Variants in UBAC2 observed in about 807,000 individuals in gnomAD.
UBAC2 encodes UBA domain containing 2, also known as ubiquitin-associated domain-containing protein 2.
UBAC2 carries 26 observed loss-of-function variants against 44.0 expected under a neutral mutation model. The ratio of observed to expected loss-of-function variants is 0.59; its 90% CI spans 0.43 to 0.82. The LOEUF (loss-of-function observed/expected upper bound fraction) is 0.82. Ranked by LOEUF, UBAC2 falls within the 40% of genes least tolerant of loss-of-function variation. The probability of loss-of-function intolerance (pLI) is 0.00; values close to 1 mark genes in which losing one functional copy is unlikely to be tolerated. For missense variants in UBAC2, 329 were observed against 419.4 expected (o/e 0.78, Z 1.88); for synonymous variants, 155 against 154.3 (o/e 1.00, Z -0.04).
intron 8 of UBAC2, among the ~76,000 whole-genome samples, chr13:99,368,577 G>A (rs2045362073): frequency 6.6e-6 from 1 of 152,106 alleles, no homozygotes. Flanking sequence ...TGAGGAACTC[G>A]GTTGATTTTA....
chr13:99,356,998 T>TTCTC (rs1447584559), intron 7 of UBAC2, among the ~76,000 whole-genome samples: 1 of 152,238 alleles, frequency 6.6e-6, no homozygotes, highest in African/African-American at 2.4e-5. Flanking sequence ...GTGGTGTCTT[T>TTCTC]TCTCTCTGTA....
At chr13:99,384,139 C>T (rs1168216624) in intron 8 of UBAC2, among the ~76,000 whole-genome samples, 2 of 152,168 alleles carry the variant, frequency 1.3e-5, no homozygotes, top group Non-Finnish European at 2.9e-5. Flanking sequence ...ATACTGGGCC[C>T]CTTCTCTTTC....
chr13:99,305,788 G>A (rs1236155986), intron 4 of UBAC2, among the ~76,000 whole-genome samples: 1 of 152,166 alleles, frequency 6.6e-6, no homozygotes, highest in Admixed American at 6.5e-5. Context: ...TCCAAAAAGT[G>A]CAGTGAACCC....
chr13:99,213,052 G>A (rs908033748), intron 1 of UBAC2, among the ~76,000 whole-genome samples: 2 of 151,918 alleles, frequency 1.3e-5, no homozygotes, highest in Non-Finnish European at 2.9e-5. Context: ...CTTTTTCTGT[G>A]TACCTGCTTA....
chr13:99,361,475 C>T (rs1225838236), intron 7 of UBAC2, among the ~76,000 whole-genome samples: 1 of 152,180 alleles, frequency 6.6e-6, no homozygotes, highest in African/African-American at 2.4e-5. Context: ...TTGATTCTCT[C>T]ACTCTCTTGT....
chr13:99,361,386 C>T lies in UBAC2; in HGVS notation c.808-6401C>T, dbSNP rs188368817. Among the ~76,000 whole-genome samples the T allele has an allele frequency of 1.5e-3, 234 of 152,244 alleles. 2 individuals carry two copies. Among genetic ancestry groups the T allele is most frequent in the African/African-American group, 5.5e-3 (229 of 41,554 alleles). On this transcript the variant is annotated intron_variant, in intron 7 of 8. Coordinates refer to ENST00000403766, the MANE Select transcript of UBAC2 (RefSeq NM_001144072.2). ...GTCAAAACATCCTAGAACCTAGAGC[C>T]GTAACTTTCTGCTTTTTAAGCACTT...
chr13:99,214,681 A>G (rs1273264249), intron 1 of UBAC2, among the ~76,000 whole-genome samples: 2 of 152,162 alleles, frequency 1.3e-5, no homozygotes, highest in African/African-American at 4.8e-5. Context: ...GCTCTCTTCT[A>G]CTTTTTTGCA....
chr13:99,347,320 C>CCG (rs1491168720), intron 7 of UBAC2, among the ~76,000 whole-genome samples: 2 of 5,788 alleles, frequency 3.5e-4, no homozygotes, highest in African/African-American at 1.9e-3. Flanking sequence ...TCCCCGGGCG[C>CCG]CCCCCCCCCC....
chr13:99,234,334 C>A, intron 1 of UBAC2: 1 of 335,574 alleles, frequency 3.0e-6, no homozygotes, highest in South Asian at 2.0e-5. Context: ...ATTATAGGCG[C>A]TTGCCACCAC....
At chr13:99,348,182 G>A (rs538280019) in intron 7 of UBAC2, among the ~76,000 whole-genome samples, 2 of 152,342 alleles carry the variant, frequency 1.3e-5, no homozygotes, top group African/African-American at 4.8e-5. Context: ...GACAGGAGCT[G>A]TTGTACTTCT....
intron 6 of UBAC2, among the ~76,000 whole-genome samples, chr13:99,321,286 G>A (rs1420805346): frequency 6.6e-6 from 1 of 152,168 alleles, no homozygotes; most frequent in African/African-American, 2.4e-5. Context: ...ATTTAGCTAG[G>A]TACTGGTTGA....
At chr13:99,337,953 G>C (rs528103499) in intron 6 of UBAC2, among the ~76,000 whole-genome samples, 2 of 149,516 alleles carry the variant, frequency 1.3e-5, no homozygotes, top group Non-Finnish European at 3.0e-5. Flanking sequence ...AAGAAGAATT[G>C]TCTTGGGCCA....
intron 6 of UBAC2, among the ~76,000 whole-genome samples, chr13:99,326,864 C>T (rs971316491): frequency 1.3e-5 from 2 of 152,146 alleles, no homozygotes; most frequent in African/African-American, 4.8e-5. Context: ...GGATGAGGCC[C>T]CATTCATCAG....
At chr13:99,344,398 A>G (rs2044940787) in intron 7 of UBAC2, among the ~76,000 whole-genome samples, 1 of 152,182 alleles carries the variant, frequency 6.6e-6, no homozygotes. Flanking sequence ...AATTAGGGTT[A>G]AGTTAGAACT....
chr13:99,247,884 T>TTTTA (rs1555322991), intron 4 of UBAC2, among the ~76,000 whole-genome samples: 3 of 151,794 alleles, frequency 2.0e-5, no homozygotes, highest in Non-Finnish European at 2.9e-5. Flanking sequence ...TTTTTTTTTT[T>TTTTA]ACCTCACCAC....
intron 6 of UBAC2, among the ~76,000 whole-genome samples, chr13:99,319,016 G>A (rs1176015709): frequency 6.6e-6 from 1 of 151,818 alleles, no homozygotes; most frequent in Non-Finnish European, 1.5e-5. Context: ...TGCTCATTTT[G>A]TAAAAAGACA....
chr13:99,203,245 A>G (rs569953223), intron 1 of UBAC2, among the ~76,000 whole-genome samples: 1 of 152,260 alleles, frequency 6.6e-6, no homozygotes, highest in African/African-American at 2.4e-5. Flanking sequence ...CATGTTGACC[A>G]GGCTGGTCTT....
intron 5 of UBAC2, among the ~76,000 whole-genome samples, chr13:99,316,418 GATGAATGAATGA>G (rs764363585): frequency 1.3e-5 from 2 of 148,412 alleles, no homozygotes; most frequent in Admixed American, 6.7e-5. Context: ...TGAATGAATG[GATGAATGAATGA>G]ATGAATGAAT....
chr13:99,288,744 CAAGT>C (rs1418737919), intron 4 of UBAC2, among the ~76,000 whole-genome samples: 1 of 152,190 alleles, frequency 6.6e-6, no homozygotes, highest in African/African-American at 2.4e-5. Context: ...TAGTACCAAG[CAAGT>C]ATTAGTTATC....
Sources: gnomAD v4.1 joint callset for allele counts (sites outside exome capture counted in the v4.1 genomes callset) on GRCh38, gnomAD v4.1.1 for gene constraint, MANE v1.5 for transcripts, NCBI Gene and HGNC (gene_info 2026-07-23, HGNC 2026-07-21) for gene names.